Variants in C3orf49 observed in about 807,000 individuals in gnomAD.
The protein encoded by C3orf49 is putative uncharacterized protein C3orf49.
In C3orf49, 27 loss-of-function variants were observed where a neutral mutation model predicts 13.3. The observed-to-expected ratio is 2.02, with a 90% confidence interval of 1.49 to 2.79. C3orf49 has a LOEUF of 2.79. Ranked by LOEUF, C3orf49 falls within the 30% of genes most tolerant of loss-of-function variation. C3orf49 has a pLI of 0.00. For synonymous variants in C3orf49, 87 were observed against 47.6 expected (o/e 1.83, Z -3.40); for missense variants, 242 against 134.2 (o/e 1.80, Z -3.97).
the C3orf49 span, among the ~76,000 whole-genome samples, chr3:63,783,499 AGTGAAATCCC>A: frequency 6.6e-6 from 1 of 150,626 alleles, no homozygotes; most frequent in Non-Finnish European, 1.5e-5. Context: ...TGGCAAATAC[AGTGAAATCCC>A]GTCTCTACTA....
At chr3:63,817,147 TG>T (rs1454441521), upstream of C3orf49, among the ~76,000 whole-genome samples, 1 of 152,074 alleles carries the variant, frequency 6.6e-6, no homozygotes, top group Admixed American at 6.5e-5. Flanking sequence ...TTCATCTGCC[TG>T]GGTCACACAA....
At chr3:63,831,079 TA>T in intron 3 of C3orf49, 30 bp from the exon 4 acceptor site, 1 of 691,648 alleles carries the variant, frequency 1.4e-6, no homozygotes, top group East Asian at 2.7e-5. Flanking sequence ...TGGTAGTTCC[TA>T]ATCTGATGTG....
chr3:63,846,142 T>C, intron 6 of C3orf49: 1 of 422,860 alleles, frequency 2.4e-6, no homozygotes, highest in Non-Finnish European at 4.7e-6. Context: ...ACTGCCTCTC[T>C]CTCTCTTTCT....
chr3:63,806,524 A>C, the C3orf49 span, among the ~76,000 whole-genome samples: 1 of 152,206 alleles, frequency 6.6e-6, no homozygotes, highest in African/African-American at 2.4e-5. Flanking sequence ...ATCAGATATG[A>C]TCAGTTAATT....
At chr3:63,785,361 C>T in the C3orf49 span, among the ~76,000 whole-genome samples, 2 of 151,730 alleles carry the variant, frequency 1.3e-5, no homozygotes, top group South Asian at 2.1e-4. Context: ...CGTGAGCCAC[C>T]GTGCCTGGCC....
the C3orf49 span, among the ~76,000 whole-genome samples, chr3:63,781,846 T>C: frequency 6.6e-6 from 1 of 152,212 alleles, no homozygotes. Context: ...TTAAGTGTTG[T>C]TGCATTTATT....
chr3:63,824,121 T>C (rs577865456), intron 2 of C3orf49, among the ~76,000 whole-genome samples: 43 of 152,172 alleles, frequency 2.8e-4, no homozygotes, highest in African/African-American at 1.0e-3. Flanking sequence ...CTGAATTGGA[T>C]TGCCTTGGAG....
intron 5 of C3orf49, among the ~76,000 whole-genome samples, chr3:63,835,867 T>C (rs1034670573): frequency 3.9e-5 from 6 of 152,084 alleles, no homozygotes; most frequent in African/African-American, 1.4e-4. Context: ...TAATACACAG[T>C]ATTGGTATAT....
At chr3:63,779,907 C>G in the C3orf49 span, 7 of 152,170 alleles carry the variant, frequency 4.6e-5, no homozygotes, top group African/African-American at 1.7e-4. Flanking sequence ...TGTTGCCTGG[C>G]ATACTCCAAT....
At chr3:63,823,973 G>T (rs1324352533) in intron 2 of C3orf49, among the ~76,000 whole-genome samples, 1 of 152,020 alleles carries the variant, frequency 6.6e-6, no homozygotes, top group Non-Finnish European at 1.5e-5. Flanking sequence ...GCTAAATTTT[G>T]TATTTTTACT....
At chr3:63,801,486 C>T in the C3orf49 span, among the ~76,000 whole-genome samples, 23,639 of 152,084 alleles carry the variant, frequency 0.16, 2,040 homozygotes, top group Non-Finnish European at 0.2. Flanking sequence ...AATAATCACA[C>T]AAATAAGATA....
chr3:63,831,075 T>C, intron 3 of C3orf49, 35 bp from the exon 4 acceptor site: 1 of 690,880 alleles, frequency 1.4e-6, no homozygotes, highest in Non-Finnish European at 2.6e-6. Context: ...ATGTTGGTAG[T>C]TCCTAATCTG....
At chr3:63,833,270 A>AT (rs1438623692) in intron 5 of C3orf49, among the ~76,000 whole-genome samples, 98 of 151,170 alleles carry the variant, frequency 6.5e-4, no homozygotes, top group Non-Finnish European at 1.2e-3. Flanking sequence ...CTAATTTTGT[A>AT]TTTTTTTTAG....
At chr3:63,814,102 C>T in the C3orf49 span, among the ~76,000 whole-genome samples, 1 of 152,098 alleles carries the variant, frequency 6.6e-6, no homozygotes, top group Non-Finnish European at 1.5e-5. Flanking sequence ...AGTCTAATAA[C>T]GGGCCAGGAG....
intron 6 of C3orf49, chr3:63,846,009 A>AG (rs1343587526): frequency 5.5e-6 from 1 of 181,688 alleles, no homozygotes; most frequent in Non-Finnish European, 1.2e-5. Context: ...ATTGGCATTC[A>AG]GAAGCCTCAA....
At chr3:63,839,538 A>G in intron 5 of C3orf49, 1 of 828,888 alleles carries the variant, frequency 1.2e-6, no homozygotes, top group South Asian at 1.5e-5. Context: ...GTTAATTAAG[A>G]GTTGACTCCA....
chr3:63,822,053 G>A (rs1701402497), intron 1 of C3orf49, among the ~76,000 whole-genome samples: 1 of 151,926 alleles, frequency 6.6e-6, no homozygotes, highest in Non-Finnish European at 1.5e-5. Context: ...TCGGCTCACT[G>A]CAAGCTCTGC....
chr3:63,845,079 A>G lies in C3orf49; in HGVS notation c.*27A>G, dbSNP rs1386656427. The G allele has an allele frequency of 1.4e-6, 1 of 698,618 alleles. No homozygotes were observed. The highest frequency in any genetic ancestry group is 1.8e-5 in the African/African-American group (1 of 57,096). The allele number at this position is 698,618 out of a possible 1,614,324, so 43.3% of individuals were successfully genotyped here. ...CTGAGACTCCTTGAGGAACACAGGAAAAGGTGATGCTAACCTTCTTTTCTG... is the reference window on the plus strand; with the variant it reads ...CTGAGACTCCTTGAGGAACACAGGAGAAGGTGATGCTAACCTTCTTTTCTG... On this transcript the variant is annotated 3_prime_UTR_variant, in exon 6 of 7. Coordinates refer to ENST00000295896, the MANE Select transcript of C3orf49 (RefSeq NM_001355236.2).
the C3orf49 span, among the ~76,000 whole-genome samples, chr3:63,810,149 A>G: frequency 1.4e-4 from 21 of 152,114 alleles, no homozygotes; most frequent in Non-Finnish European, 2.6e-4. Flanking sequence ...CCATCTCAAA[A>G]AAAAAAAAGT....
Sources: allele counts gnomAD v4.1 joint callset (sites outside exome capture counted in the v4.1 genomes callset), GRCh38; gene constraint gnomAD v4.1.1; transcripts MANE v1.5; gene names NCBI Gene and HGNC (gene_info 2026-07-23, HGNC 2026-07-21).